The following MECOM variants were observed in gnomAD, a reference collection of about 807,000 sequenced individuals.
The protein encoded by MECOM is histone-lysine N-methyltransferase MECOM.
MECOM carries 13 observed loss-of-function variants against 116.3 expected under a neutral mutation model. The observed-to-expected ratio is 0.11, with a 90% CI of 0.07 to 0.18. MECOM has a LOEUF of 0.18. Among genes scored for constraint, MECOM ranks in the 10% least tolerant of loss-of-function variants. The probability of loss-of-function intolerance (pLI) is 1.00; values close to 1 mark genes in which losing one functional copy is unlikely to be tolerated. For missense variants in MECOM, 1,299 were observed against 1,509.0 expected, an observed-to-expected ratio of 0.86 and a Z score of 2.31; for synonymous variants, 528 against 535.2, an observed-to-expected ratio of 0.99 and a Z score of 0.19.
At chr3:169,283,674 G>A (rs948462191) in intron 2 of MECOM, among the ~76,000 whole-genome samples, 2 of 152,044 alleles carry the variant, frequency 1.3e-5, no homozygotes, top group African/African-American at 4.8e-5. Context: ...TCTAAGTAGT[G>A]AAATTATTTC....
intron 2 of MECOM, among the ~76,000 whole-genome samples, chr3:169,377,354 G>A (rs896553102): frequency 2.0e-5 from 3 of 152,146 alleles, no homozygotes; most frequent in African/African-American, 7.2e-5. Context: ...CTTCTGCACA[G>A]CAAAAGAAAC....
chr3:169,163,262 G>C, intron 2 of MECOM, among the ~76,000 whole-genome samples: 1 of 152,044 alleles, frequency 6.6e-6, no homozygotes, highest in East Asian at 1.9e-4. Context: ...ACATTAGTCA[G>C]TCGTGTTAAT....
chr3:169,142,838 G>C (rs1738550549), intron 3 of MECOM, among the ~76,000 whole-genome samples: 1 of 151,894 alleles, frequency 6.6e-6, no homozygotes. Flanking sequence ...TTTCATAGTA[G>C]ATTTGCCAAG....
chr3:169,411,552 C>G (rs1200921953), intron 1 of MECOM, among the ~76,000 whole-genome samples: 1 of 152,194 alleles, frequency 6.6e-6, no homozygotes, highest in South Asian at 2.1e-4. Flanking sequence ...GACGTCCGCA[C>G]TCTGAGAGGC....
chr3:169,257,006 A>T (rs1030153873), intron 2 of MECOM, among the ~76,000 whole-genome samples: 2 of 152,266 alleles, frequency 1.3e-5, no homozygotes, highest in Non-Finnish European at 2.9e-5. Flanking sequence ...TGCCAGGAAG[A>T]CAGACAGCAC....
intron 1 of MECOM, among the ~76,000 whole-genome samples, chr3:169,551,360 A>C (rs1292549047): frequency 6.6e-6 from 1 of 151,820 alleles, no homozygotes; most frequent in East Asian, 1.9e-4. Context: ...GAAGAAAACA[A>C]ATATCTACAC....
At chr3:169,442,889 T>C (rs1364815472) in intron 1 of MECOM, among the ~76,000 whole-genome samples, 2 of 152,156 alleles carry the variant, frequency 1.3e-5, no homozygotes, top group Non-Finnish European at 2.9e-5. Context: ...CCCTAATACA[T>C]TGCTTTGTAT....
chr3:169,382,406 C>T (rs754268684), intron 1 of MECOM, among the ~76,000 whole-genome samples: 12 of 152,024 alleles, frequency 7.9e-5, no homozygotes, highest in Non-Finnish European at 1.8e-4. Context: ...ACACTGAGCA[C>T]GGAGGACCTG....
At chr3:169,147,735 C>CGG (rs1292230359) in intron 2 of MECOM, 1 of 737,652 alleles carries the variant, frequency 1.4e-6, no homozygotes, top group Non-Finnish European at 1.6e-6. Flanking sequence ...TGTGTGTGTG[C>CGG]GCGCGAGTGT....
At chr3:169,125,364 A>G (rs1732487122) in intron 5 of MECOM, among the ~76,000 whole-genome samples, 2 of 152,114 alleles carry the variant, frequency 1.3e-5, no homozygotes, top group Admixed American at 1.3e-4. Context: ...AGCAACCCAT[A>G]CAGGCAAGCC....
intron 2 of MECOM, among the ~76,000 whole-genome samples, chr3:169,380,134 A>G (rs1053670770): frequency 6.6e-6 from 1 of 152,192 alleles, no homozygotes; most frequent in Non-Finnish European, 1.5e-5. Context: ...AAGGCACTGA[A>G]TATTCATTTC....
intron 1 of MECOM, among the ~76,000 whole-genome samples, chr3:169,516,235 G>T (rs1756602793): frequency 6.6e-6 from 1 of 152,184 alleles, no homozygotes; most frequent in Non-Finnish European, 1.5e-5. Context: ...TTGTTTAGGA[G>T]ACTCTGAGTA....
intron 4 of MECOM, 151 bp from the exon 5 acceptor site, chr3:169,128,211 TA>T: frequency 1.4e-6 from 1 of 697,998 alleles, no homozygotes; most frequent in Non-Finnish European, 2.4e-6. Context: ...ATATCATATG[TA>T]AAGAACCAAG....
At chr3:169,485,914 T>TATATATA (rs1560340092) in intron 1 of MECOM, among the ~76,000 whole-genome samples, 12 of 61,882 alleles carry the variant, frequency 1.9e-4, no homozygotes, top group African/African-American at 8.2e-4. Flanking sequence ...TATATATGTA[T>TATATATA]GTATATATAG....
chr3:169,633,253 G>A lies in MECOM; in HGVS notation c.37+30083C>T, dbSNP rs755073695. On this transcript the variant is annotated intron_variant, in intron 1 of 16. Coordinates refer to ENST00000651503, the MANE Select transcript of MECOM (RefSeq NM_004991.4). ...AGACTATTATAAAAGCAGATGTTTT[G>A]CTCACTTCCACTTCAGAGAAACACA... Among the ~76,000 whole-genome samples the A allele has an allele frequency of 3.9e-5, 6 of 152,100 alleles. No individual in the cohort carries two copies. In the South Asian group the frequency reaches 1.0e-3, roughly 26 times the overall value.
chr3:169,651,095 C>A (rs763632925), intron 1 of MECOM, among the ~76,000 whole-genome samples: 2 of 152,118 alleles, frequency 1.3e-5, no homozygotes, highest in Admixed American at 1.3e-4. Context: ...AGTTTGCAGA[C>A]GGAATGCTTT....
At chr3:169,103,370 T>G (rs1724248221) in intron 10 of MECOM, among the ~76,000 whole-genome samples, 1 of 152,124 alleles carries the variant, frequency 6.6e-6, no homozygotes, top group Non-Finnish European at 1.5e-5. Context: ...ATTTGGAAGC[T>G]GCTTATTACT....
intron 2 of MECOM, among the ~76,000 whole-genome samples, chr3:169,241,369 G>A (rs1296417027): frequency 6.6e-6 from 1 of 152,000 alleles, no homozygotes; most frequent in Non-Finnish European, 1.5e-5. Flanking sequence ...CTAAATCTTA[G>A]GGTTCATGAG....
intron 1 of MECOM, among the ~76,000 whole-genome samples, chr3:169,509,721 T>G (rs950872989): frequency 1.8e-4 from 28 of 152,278 alleles, no homozygotes; most frequent in African/African-American, 6.8e-4. Context: ...AATATTCCTT[T>G]TGTATGTTTA....
Sources: allele counts gnomAD v4.1 joint callset (sites outside exome capture counted in the v4.1 genomes callset), GRCh38; gene constraint gnomAD v4.1.1; transcripts MANE v1.5; gene names NCBI Gene and HGNC (gene_info 2026-07-23, HGNC 2026-07-21).